The following NBAS variants were observed in gnomAD, a reference collection of about 807,000 sequenced individuals.
NBAS encodes NBAS subunit of NRZ tethering complex.
A neutral mutation model predicts 302.5 loss-of-function variants in NBAS; 219 were observed. That is an observed-to-expected ratio of 0.72 (90% CI 0.65 to 0.81). NBAS has a LOEUF of 0.81. Among genes scored for constraint, NBAS ranks in the 30% least tolerant of loss-of-function variants. The probability of loss-of-function intolerance (pLI) is 0.00; values close to 1 mark genes in which losing one functional copy is unlikely to be tolerated. For synonymous variants in NBAS, 1,118 were observed against 1,021.6 expected, an observed-to-expected ratio of 1.09 and a Z score of -1.80; for missense variants, 2,932 against 2,841.6, an observed-to-expected ratio of 1.03 and a Z score of -0.72.
chr2:15,237,562 AT>A (rs1667651193), intron 45 of NBAS, among the ~76,000 whole-genome samples: 1 of 50,032 alleles, frequency 2.0e-5, no homozygotes, highest in East Asian at 9.7e-4. Flanking sequence ...AAATCAAAAT[AT>A]TTATTTATTT....
At chr2:15,169,649 T>A (rs369330315) in intron 51 of NBAS, among the ~76,000 whole-genome samples, 4 of 152,300 alleles carry the variant, frequency 2.6e-5, no homozygotes, top group African/African-American at 9.6e-5. Flanking sequence ...CCTAGTTTAC[T>A]TGTTTATTGT....
At position 15,539,310 on chromosome 2, in the gene NBAS, G is replaced by A. The variant is rs184712559; in HGVS notation, c.426C>T (p.Tyr142=). The part of the protein sequence containing the change: ...KPQWRRVAWS[Y]DCTLLAYAES... ...CGGCATAGGCCAGTAGGGTACAATC[G>A]TAACTCCATGCTACCCGTCTCCACT... Residue 142 remains tyrosine, a synonymous_variant, in exon 7 of 52, where the codon TAC becomes TAT. Coordinates refer to ENST00000281513, the MANE Select transcript of NBAS (RefSeq NM_015909.4). 74 of 1,614,214 alleles carry A rather than the reference G, an allele frequency of 4.6e-5. No individual in the cohort carries two copies. Among genetic ancestry groups the A allele is most frequent in the Middle Eastern group, 3.3e-4 (2 of 6,060 alleles).
intron 21 of NBAS, among the ~76,000 whole-genome samples, chr2:15,460,319 T>C (rs1280308406): frequency 6.6e-6 from 1 of 150,376 alleles, no homozygotes; most frequent in Non-Finnish European, 1.5e-5. Context: ...GACAGGGACT[T>C]CAACCCATTT....
intron 38 of NBAS, among the ~76,000 whole-genome samples, chr2:15,318,947 T>C (rs186458587): frequency 8.5e-5 from 13 of 152,304 alleles, no homozygotes; most frequent in South Asian, 2.1e-4. Flanking sequence ...AGAATATACA[T>C]TCTTCTTGCA....
At chr2:15,290,616 A>T (rs1191610032) in intron 41 of NBAS, among the ~76,000 whole-genome samples, 1 of 152,214 alleles carries the variant, frequency 6.6e-6, no homozygotes, top group African/African-American at 2.4e-5. Flanking sequence ...TACTGGACTT[A>T]AGAAACCCAA....
chr2:15,480,226 A>G (rs1012027208), intron 12 of NBAS, among the ~76,000 whole-genome samples: 1 of 152,186 alleles, frequency 6.6e-6, no homozygotes, highest in Non-Finnish European at 1.5e-5. Context: ...CTGTAGCCTC[A>G]GCTACTCAAG....
chr2:15,117,764 G>A, the NBAS span, among the ~76,000 whole-genome samples: 1 of 152,146 alleles, frequency 6.6e-6, no homozygotes, highest in Admixed American at 6.5e-5. Context: ...CACAGTGTGG[G>A]AAACGCTGCA....
chr2:15,192,714 T>C (rs1235276009), intron 48 of NBAS, among the ~76,000 whole-genome samples: 1 of 152,200 alleles, frequency 6.6e-6, no homozygotes, highest in African/African-American at 2.4e-5. Flanking sequence ...AGAGTTTATA[T>C]GCAGGAAAGG....
At chr2:15,412,347 A>C (rs1205203239) in intron 25 of NBAS, among the ~76,000 whole-genome samples, 1 of 152,208 alleles carries the variant, frequency 6.6e-6, no homozygotes, top group Non-Finnish European at 1.5e-5. Flanking sequence ...TCCCTATGCC[A>C]CAAGAGAGAA....
At chr2:15,366,841 A>AC in intron 31 of NBAS, 148 bp from the exon 32 acceptor site, 2 of 712,550 alleles carry the variant, frequency 2.8e-6, no homozygotes, top group Non-Finnish European at 5.0e-6. Context: ...AGGCACGTTT[A>AC]ACAAACAGCA....
the NBAS span, among the ~76,000 whole-genome samples, chr2:14,925,342 A>AGAAACTTCTC: frequency 4.0e-4 from 61 of 152,318 alleles, no homozygotes; most frequent in Non-Finnish European, 6.8e-4. Context: ...GAGTTATTCT[A>AGAAACTTCTC]GAAACTTCTC....
chr2:15,534,735 A>G (rs1320250860), intron 8 of NBAS, 94 bp from the exon 9 acceptor site: 5 of 962,610 alleles, frequency 5.2e-6, no homozygotes, highest in Non-Finnish European at 8.4e-6. Flanking sequence ...TAAAAGACAG[A>G]CAATACCAAA....
chr2:14,991,334 C>T, the NBAS span, among the ~76,000 whole-genome samples: 1 of 152,092 alleles, frequency 6.6e-6, no homozygotes, highest in Non-Finnish European at 1.5e-5. Context: ...CTTGCTGAGC[C>T]TGCTGCTTAT....
intron 44 of NBAS, among the ~76,000 whole-genome samples, chr2:15,245,716 G>T (rs1001990808): frequency 6.6e-6 from 1 of 152,086 alleles, no homozygotes; most frequent in African/African-American, 2.4e-5. Context: ...TGCATTTGAG[G>T]AAGCACGTAA....
At chr2:15,488,022 CT>C (rs1278657150) in intron 12 of NBAS, among the ~76,000 whole-genome samples, 1 of 152,140 alleles carries the variant, frequency 6.6e-6, no homozygotes, top group African/African-American at 2.4e-5. Flanking sequence ...TTCTCTTTTC[CT>C]CTGTCATTCT....
chr2:15,396,336 G>T, intron 27 of NBAS, 77 bp downstream of exon 27: 2 of 1,196,790 alleles, frequency 1.7e-6, no homozygotes, highest in Non-Finnish European at 2.4e-6. Flanking sequence ...TGACTCACAG[G>T]CAGACTTAAT....
the NBAS span, among the ~76,000 whole-genome samples, chr2:15,076,153 C>G: frequency 6.6e-6 from 1 of 152,150 alleles, no homozygotes; most frequent in South Asian, 2.1e-4. Flanking sequence ...GTAGCCTGTT[C>G]CAGCTGCTCT....
chr2:15,336,319 CTATT>C (rs2148252199), intron 35 of NBAS, among the ~76,000 whole-genome samples: 1 of 152,296 alleles, frequency 6.6e-6, no homozygotes, highest in Non-Finnish European at 1.5e-5. Context: ...ATCAGAGACA[CTATT>C]TATTCATTGC....
chr2:14,824,521 T>C, the NBAS span, among the ~76,000 whole-genome samples: 2 of 152,020 alleles, frequency 1.3e-5, no homozygotes, highest in Non-Finnish European at 2.9e-5. Flanking sequence ...AAATCTACAC[T>C]TTTGTTATTC....
Sources: gnomAD v4.1 joint callset for allele counts (sites outside exome capture counted in the v4.1 genomes callset) on GRCh38, gnomAD v4.1.1 for gene constraint, MANE v1.5 for transcripts, NCBI Gene and HGNC (gene_info 2026-07-23, HGNC 2026-07-21) for gene names.